ZNF486: variants seen among roughly 807,000 people sequenced by gnomAD.
The protein encoded by ZNF486 is zinc finger protein 486.
ZNF486 carries 12 observed loss-of-function variants against 12.8 expected under a neutral mutation model. The ratio of observed to expected loss-of-function variants is 0.94; its 90% CI spans 0.60 to 1.52. The LOEUF (loss-of-function observed/expected upper bound fraction) is 1.52. Ranked by LOEUF, ZNF486 falls within the 40% of genes most tolerant of loss-of-function variation. ZNF486 has a pLI of 0.00. For synonymous variants in ZNF486, 231 were observed against 184.9 expected, an observed-to-expected ratio of 1.25 and a Z score of -2.02; for missense variants, 738 against 545.0, an observed-to-expected ratio of 1.35 and a Z score of -3.53.
intron 1 of ZNF486, among the ~76,000 whole-genome samples, chr19:20,170,592 T>G (rs2089638208): frequency 6.6e-6 from 1 of 151,874 alleles, no homozygotes; most frequent in Non-Finnish European, 1.5e-5. Flanking sequence ...AAAAAGAAAT[T>G]TGACCACTGA....
intron 1 of ZNF486, among the ~76,000 whole-genome samples, chr19:20,170,889 A>G (rs1555713793): frequency 1.3e-5 from 2 of 152,152 alleles, no homozygotes; most frequent in African/African-American, 4.8e-5. Context: ...ACCGGTAAAC[A>G]TAACTACAGT....
Position 20,167,284 on chromosome 19 carries a change from C to T in ZNF486, c.-47C>T. Reference sequence around the variant, plus strand: ...GTGTCCTCTGCTCCTAGAGGCCCACCCTCTGTGGCCCTGTGTCCTGTAGGT... The same window carrying T: ...GTGTCCTCTGCTCCTAGAGGCCCACTCTCTGTGGCCCTGTGTCCTGTAGGT... On this transcript the variant is annotated 5_prime_UTR_variant, in exon 1 of 4. Transcript: ENST00000335117. 7 of 1,611,310 alleles carry T rather than the reference C, an allele frequency of 4.3e-6. No homozygotes were observed. The highest frequency in any genetic ancestry group is 5.9e-6 in the Non-Finnish European group (7 of 1,177,428).
chr19:20,188,615 C>A, intron 3 of ZNF486: 1 of 396,158 alleles, frequency 2.5e-6, no homozygotes, highest in South Asian at 1.3e-4. Context: ...CCACTACACT[C>A]CAGCTTGAAT....
rs1393037356 is a variant in ZNF486, at chr19:20,198,384, T to C, written c.*282T>C. On this transcript the variant is annotated 3_prime_UTR_variant, in exon 4 of 4. Coordinates refer to ENST00000335117, the MANE Select transcript of ZNF486 (RefSeq NM_052852.4). ...TCCCAAAGTGTTGGGGTTACAGGCATGAGCCACTGTGCCTGGCTGACAAAG... is the reference window on the plus strand; with the variant it reads ...TCCCAAAGTGTTGGGGTTACAGGCACGAGCCACTGTGCCTGGCTGACAAAG... 1 of 362,096 alleles carries C rather than the reference T, an allele frequency of 2.8e-6. No individual in the cohort carries two copies. The highest frequency in any genetic ancestry group is 5.0e-6 in the Non-Finnish European group (1 of 198,792). The allele number at this position is 362,096 out of a possible 1,614,324, so 22.4% of individuals were successfully genotyped here.
intron 3 of ZNF486, among the ~76,000 whole-genome samples, chr19:20,191,686 C>T (rs1164037049): frequency 4.0e-5 from 6 of 151,778 alleles, no homozygotes; most frequent in African/African-American, 1.5e-4. Flanking sequence ...AGGAGAATGG[C>T]GTGAACCTGG....
In ZNF486 at chr19:20,197,544, C is replaced by G. The variant is rs782319756; in HGVS notation, c.834C>G (p.Pro278=). 1.2e-6 allele frequency: 2 copies of G among 1,612,830 alleles called. No individual in the cohort carries two copies. The highest frequency in any genetic ancestry group is 3.3e-5 in the Admixed American group (2 of 59,932). The change falls in exon 4 of 4, where the codon CCC becomes CCG. Residue 278 remains proline, a synonymous_variant. Transcript: ENST00000335117. ...CEECGKAFMY[P]YTLTTHKIIH... ...AATGTGGCAAAGCCTTTATGTACCC[C>G]TATACCCTTACTACACATAAGATAA... is the stretch of plus-strand genomic sequence containing the variant.
At chr19:20,173,394 C>G (rs1555714213) in intron 1 of ZNF486, among the ~76,000 whole-genome samples, 1 of 151,756 alleles carries the variant, frequency 6.6e-6, no homozygotes, top group East Asian at 1.9e-4. Context: ...TTTCTGGGCT[C>G]TCTATTCTAT....
Position 20,192,599 on chromosome 19 carries a change from C to T in ZNF486, c.254-4365C>T, listed in dbSNP as rs868949928. On this transcript the variant is annotated intron_variant, in intron 3 of 3. Transcript: ENST00000335117. ...CTGGGATTACAGGCATCAGCCACCA[C>T]GCCTGGCCTCATTTAACTTTGAGAT... Among the ~76,000 whole-genome samples the T allele has an allele frequency of 5.9e-5, 9 of 152,260 alleles. No homozygotes were observed. The South Asian group carries it at 6.2e-4, about 11-fold the overall frequency.
At chr19:20,192,305 A>G (rs1046131332) in intron 3 of ZNF486, among the ~76,000 whole-genome samples, 3 of 151,950 alleles carry the variant, frequency 2.0e-5, no homozygotes, top group Admixed American at 6.6e-5. Context: ...TCATATGTAT[A>G]TATTTATTTA....
chr19:20,190,355 AAC>A (rs1224643225), intron 3 of ZNF486, among the ~76,000 whole-genome samples: 13 of 152,204 alleles, frequency 8.5e-5, no homozygotes, highest in East Asian at 1.9e-4. Context: ...TTTGTTAGAA[AAC>A]ACACAATGTA....
chr19:20,195,135 G>T (rs184713314), intron 3 of ZNF486, among the ~76,000 whole-genome samples: 1 of 152,120 alleles, frequency 6.6e-6, no homozygotes, highest in African/African-American at 2.4e-5. Context: ...GCCTCCTAAA[G>T]TGCTGGGTTT....
At chr19:20,193,220 G>T (rs1426831845) in intron 3 of ZNF486, among the ~76,000 whole-genome samples, 1 of 150,750 alleles carries the variant, frequency 6.6e-6, no homozygotes, top group Non-Finnish European at 1.5e-5. Context: ...TATTTTATAT[G>T]GTGTATCTAT....
intron 1 of ZNF486, among the ~76,000 whole-genome samples, chr19:20,182,569 G>C (rs2089798295): frequency 2.6e-5 from 4 of 152,166 alleles, no homozygotes; most frequent in African/African-American, 9.7e-5. Flanking sequence ...CTAAAGGGTG[G>C]TCACAGGGCC....
intron 1 of ZNF486, chr19:20,175,979 C>T (rs12975713): frequency 0.075 from 12,479 of 167,430 alleles, 735 homozygotes; most frequent in African/African-American, 0.17. Context: ...ACCTCCCTCC[C>T]GGACGGGGCG....
chr19:20,186,432 C>T (rs1299209936), intron 3 of ZNF486, among the ~76,000 whole-genome samples: 4 of 152,076 alleles, frequency 2.6e-5, no homozygotes, highest in Non-Finnish European at 5.9e-5. Flanking sequence ...GAAACTAAAA[C>T]CCTTTTTTAA....
intron 3 of ZNF486, among the ~76,000 whole-genome samples, chr19:20,193,628 T>A (rs1167102903): frequency 1.3e-5 from 2 of 151,976 alleles, no homozygotes; most frequent in Non-Finnish European, 2.9e-5. Context: ...ACCACTGTAC[T>A]CCAGCCTGGA....
chr19:20,196,980 T>C lies in ZNF486; in HGVS notation c.270T>C (p.Phe90=), dbSNP rs192231483. 154 of 1,551,488 alleles carry C rather than the reference T, an allele frequency of 9.9e-5. No individual in the cohort carries two copies. The African/African-American group carries it at 1.9e-3, about 19-fold the overall frequency. Residue 90 remains phenylalanine (F), a synonymous_variant, in exon 4 of 4, where the codon TTT becomes TTC. Coordinates refer to ENST00000335117, the MANE Select transcript of ZNF486 (RefSeq NM_052852.4). ...IAKPPVVCSH[F]AQDLWPEQSI... ...TTCTTTCAGTTGTGTGTTCTCATTT[T>C]GCCCAAGACCTTTGGCCAGAGCAGA...
intron 2 of ZNF486, 133 bp downstream of exon 2, chr19:20,184,615 ATTTG>A (rs1444838164): frequency 3.9e-6 from 4 of 1,038,600 alleles, no homozygotes; most frequent in Middle Eastern, 2.4e-4. Flanking sequence ...AATCTTCAGA[ATTTG>A]TTTATTTAGA....
chr19:20,180,958 A>G (rs1408145845), intron 1 of ZNF486, among the ~76,000 whole-genome samples: 3 of 152,212 alleles, frequency 2.0e-5, no homozygotes, highest in African/African-American at 7.2e-5. Flanking sequence ...CAGTGGCTAG[A>G]AAAATTAAAA....
Sources: gnomAD v4.1 joint callset for allele counts (sites outside exome capture counted in the v4.1 genomes callset) on GRCh38, gnomAD v4.1.1 for gene constraint, MANE v1.5 for transcripts, NCBI Gene and HGNC (gene_info 2026-07-23, HGNC 2026-07-21) for gene names.